Variants in IMPACT observed in about 807,000 individuals in gnomAD.
IMPACT encodes the protein protein IMPACT.
Under a neutral mutation model 47.5 loss-of-function variants are expected in IMPACT, and 35 were observed. The observed-to-expected ratio is 0.74, with a 90% CI of 0.56 to 0.98. The LOEUF (loss-of-function observed/expected upper bound fraction) is 0.98. Among genes scored for constraint, IMPACT ranks in the 50% least tolerant of loss-of-function variants. The pLI, the probability that IMPACT is intolerant of heterozygous loss-of-function variation, is 0.00. For missense variants in IMPACT, 373 were observed against 394.8 expected, an observed-to-expected ratio of 0.94 and a Z score of 0.47; for synonymous variants, 118 against 125.6, an observed-to-expected ratio of 0.94 and a Z score of 0.40.
rs989316026 is a variant in IMPACT, at chr18:24,426,723, C to T, written c.-34C>T. 1.0e-5 allele frequency: 13 copies of T among 1,244,036 alleles called. No individual in the cohort carries two copies. The highest frequency in any genetic ancestry group is 4.7e-5 in the African/African-American group (3 of 64,488). The allele number at this position is 1,244,036 out of a possible 1,614,324, so 77.1% of individuals were successfully genotyped here. On this transcript the variant is annotated 5_prime_UTR_variant, in exon 1 of 11. Transcript: ENST00000284202. Reference sequence around the variant, plus strand: ...CCCCGCCCCCGCGCTCCGGACCTGGCAGGCGGCGGCTGCAGGGCAGGTCCA... The same window carrying T: ...CCCCGCCCCCGCGCTCCGGACCTGGTAGGCGGCGGCTGCAGGGCAGGTCCA...
At chr18:24,439,273 A>G (rs921214978) in intron 5 of IMPACT, among the ~76,000 whole-genome samples, 4 of 152,160 alleles carry the variant, frequency 2.6e-5, no homozygotes, top group Non-Finnish European at 5.9e-5. Flanking sequence ...GCTTGCACCT[A>G]TAATCCCAGC....
intron 3 of IMPACT, among the ~76,000 whole-genome samples, chr18:24,429,154 A>G (rs866767951): frequency 2.7e-4 from 41 of 152,228 alleles, no homozygotes; most frequent in African/African-American, 9.4e-4. Flanking sequence ...TGAAGTAGGT[A>G]CAGAATTGTC....
intron 4 of IMPACT, 133 bp downstream of exon 4, chr18:24,430,517 C>T (rs1908725275): frequency 3.6e-6 from 2 of 555,070 alleles, no homozygotes; most frequent in Admixed American, 6.4e-5. Context: ...AAAGGACTCA[C>T]TTGAAGAGAC....
chr18:24,447,044 C>T (rs1909265857), intron 8 of IMPACT, among the ~76,000 whole-genome samples: 1 of 152,136 alleles, frequency 6.6e-6, no homozygotes, highest in Admixed American at 6.6e-5. Flanking sequence ...GCTGTGGCTA[C>T]AGCTTCAACA....
At chr18:24,433,894 C>A (rs1373966134) in intron 4 of IMPACT, among the ~76,000 whole-genome samples, 1 of 151,796 alleles carries the variant, frequency 6.6e-6, no homozygotes, top group Non-Finnish European at 1.5e-5. Context: ...TGGTCTTGAA[C>A]TTCTGACCTC....
intron 4 of IMPACT, among the ~76,000 whole-genome samples, chr18:24,431,854 A>G (rs1308842447): frequency 6.6e-6 from 1 of 152,016 alleles, no homozygotes; most frequent in Non-Finnish European, 1.5e-5. Flanking sequence ...GGCGCCCGCC[A>G]CCACGCACAG....
Position 24,452,729 on chromosome 18 carries a change from A to G in IMPACT, c.*1882A>G, listed in dbSNP as rs982654986. On this transcript the variant is annotated 3_prime_UTR_variant, in exon 11 of 11. Coordinates refer to ENST00000284202, the MANE Select transcript of IMPACT (RefSeq NM_018439.4). ...TTAAAATTTTTGTCTTGATTAGGAG[A>G]TTTTTCAGTTCTCCATATAATAATT... 2 of 151,890 alleles carry G rather than the reference A, an allele frequency of 1.3e-5. No individual in the cohort carries two copies. The highest frequency in any genetic ancestry group is 4.8e-5 in the African/African-American group (2 of 41,332). The allele number at this position is 151,890 out of a possible 1,614,324, so 9.4% of individuals were successfully genotyped here.
intron 1 of IMPACT, chr18:24,427,335 C>G: frequency 6.5e-6 from 1 of 153,668 alleles, no homozygotes; most frequent in South Asian, 2.1e-4. Context: ...CCCATCTTTT[C>G]CCTTTAGGTC....
At chr18:24,448,237 A>C in intron 9 of IMPACT, 54 bp downstream of exon 9, 7 of 1,160,924 alleles carry the variant, frequency 6.0e-6, no homozygotes, top group Non-Finnish European at 9.0e-6. Context: ...AAAATTTCTC[A>C]ACAAAACAGA....
chr18:24,453,266 G>A lies in IMPACT; in HGVS notation c.*2419G>A, dbSNP rs951351328. The A allele has an allele frequency of 1.3e-5, 2 of 152,244 alleles. No homozygotes were observed. The highest frequency in any genetic ancestry group is 2.4e-5 in the African/African-American group (1 of 41,532). The allele number at this position is 152,244 out of a possible 1,614,324, so 9.4% of individuals were successfully genotyped here. ...CAACCAAGAAATAATAGTATGAAGC[G>A]GATGCTGTTTGGAGGACAGGAAAAT... is the stretch of plus-strand genomic sequence containing the variant. On this transcript the variant is annotated 3_prime_UTR_variant, in exon 11 of 11. Transcript: ENST00000284202.
chr18:24,444,532 AT>A (rs1909199793), intron 7 of IMPACT, among the ~76,000 whole-genome samples: 6 of 152,128 alleles, frequency 3.9e-5, no homozygotes. Flanking sequence ...ATCTTTGCTG[AT>A]TTCCAATGTC....
intron 4 of IMPACT, among the ~76,000 whole-genome samples, chr18:24,430,840 T>G (rs544342052): frequency 6.6e-6 from 1 of 152,326 alleles, no homozygotes; most frequent in African/African-American, 2.4e-5. Context: ...TGCTCTTGAT[T>G]TGGTATTTTC....
intron 1 of IMPACT, 127 bp from the exon 2 acceptor site, chr18:24,427,791 TG>T: frequency 2.4e-6 from 2 of 822,964 alleles, no homozygotes; most frequent in Non-Finnish European, 3.7e-6. Context: ...ACTCTTGGCC[TG>T]GTGAGGCTCA....
intron 7 of IMPACT, among the ~76,000 whole-genome samples, chr18:24,444,821 A>G (rs1243071163): frequency 6.6e-6 from 1 of 152,220 alleles, no homozygotes; most frequent in East Asian, 1.9e-4. Flanking sequence ...GATGTCCTGT[A>G]CTTTTATTTG....
At chr18:24,434,776 AATATAT>A (rs1555666476) in intron 4 of IMPACT, among the ~76,000 whole-genome samples, 2 of 114,026 alleles carry the variant, frequency 1.8e-5, no homozygotes, top group African/African-American at 8.2e-5. Flanking sequence ...AAAAAAAAAA[AATATAT>A]ATATATATAT....
At chr18:24,444,822 C>G (rs886544270) in intron 7 of IMPACT, among the ~76,000 whole-genome samples, 2 of 152,152 alleles carry the variant, frequency 1.3e-5, no homozygotes, top group Non-Finnish European at 2.9e-5. Flanking sequence ...ATGTCCTGTA[C>G]TTTTATTTGC....
intron 6 of IMPACT, among the ~76,000 whole-genome samples, chr18:24,441,320 G>A (rs1461751688): frequency 1.3e-5 from 2 of 152,160 alleles, no homozygotes; most frequent in Non-Finnish European, 2.9e-5. Context: ...AGCCTCCTAC[G>A]TATCTGGGAT....
Position 24,428,043 on chromosome 18 carries a change from T to G in IMPACT, c.161T>G (p.Leu54Trp), listed in dbSNP as rs375575081. 1.2e-5 allele frequency: 19 copies of G among 1,570,982 alleles called. No individual in the cohort carries two copies. The highest frequency in any genetic ancestry group is 1.5e-5 in the Non-Finnish European group (18 of 1,165,666). Reference protein sequence around the residue: ...DIDDPKWTLCLQVMLPNEYPG... With the variant: ...DIDDPKWTLCWQVMLPNEYPG... ...GATGACCCCAAATGGACACTTTGCT[T>G]GCAGGTACTTTTTCCCCCTTCCTTG... Residue 54 changes from leucine (L) to tryptophan (W), a missense_variant, in exon 2 of 11, where the codon TTG (leucine) becomes TGG (tryptophan). Transcript: ENST00000284202.
In IMPACT at chr18:24,440,538, G is replaced by A. The variant is rs1909077276; in HGVS notation, c.410G>A (p.Cys137Tyr). 6.2e-7 allele frequency: 1 copy of A among 1,613,258 alleles called. No homozygotes were observed. Among genetic ancestry groups the A allele is most frequent in the Non-Finnish European group, 8.5e-7 (1 of 1,179,386 alleles). Reference protein sequence around the residue: ...KKKTEEEDVECEDDLILACQP... With the variant: ...KKKTEEEDVEYEDDLILACQP... ...AAAACTGAAGAGGAAGATGTTGAAT[G>A]TGAAGATGATCTCATTTTAGCATGT... Residue 137 changes from cysteine to tyrosine, a missense_variant, in exon 6 of 11, where the codon TGT becomes TAT. Physicochemically the swap from Cys to Tyr is radical, Grantham distance 194. Coordinates refer to ENST00000284202, the MANE Select transcript of IMPACT (RefSeq NM_018439.4).
Sources: allele counts gnomAD v4.1 joint callset (sites outside exome capture counted in the v4.1 genomes callset), GRCh38; gene constraint gnomAD v4.1.1; transcripts MANE v1.5; gene names NCBI Gene and HGNC (gene_info 2026-07-23, HGNC 2026-07-21).